ZNF329: variants seen among roughly 807,000 people sequenced by gnomAD.
ZNF329 encodes the protein zinc finger protein 329.
A neutral mutation model predicts 26.6 loss-of-function variants in ZNF329; 15 were observed. That is an observed-to-expected ratio of 0.56 (90% CI 0.38 to 0.87). The LOEUF is 0.87. Among genes scored for constraint, ZNF329 ranks in the 40% least tolerant of loss-of-function variants. The pLI is 0.00. For missense variants in ZNF329, 651 were observed against 651.9 expected (o/e 1.00, Z 0.02); for synonymous variants, 239 against 233.5 (o/e 1.02, Z -0.21).
chr19:58,150,307 A>C (rs1308704646), intron 1 of ZNF329, among the ~76,000 whole-genome samples: 1 of 152,144 alleles, frequency 6.6e-6, no homozygotes, highest in Non-Finnish European at 1.5e-5. Flanking sequence ...CACGGCCGCC[A>C]ATTCAGCCGG....
rs779461564 is a variant in ZNF329 at position 58,129,301 on chromosome 19, C to G, written c.203G>C (p.Gly68Ala). The G allele has an allele frequency of 6.2e-7, 1 of 1,614,198 alleles. No individual in the cohort carries two copies. The highest frequency in any genetic ancestry group is 8.5e-7 in the Non-Finnish European group (1 of 1,180,034). The part of the protein sequence containing the change: ...GTQEAICEYP[G>A]FGEHLIASSD... ...GCTTGCAATCAAATGCTCCCCAAAA[C>G]CAGGATATTCACAAATTGCTTCCTG... Residue 68 changes from glycine to alanine, a missense_variant, in exon 4 of 4, where the codon GGT becomes GCT. Transcript: ENST00000598312.
At position 58,126,931 on chromosome 19, in the gene ZNF329, G is replaced by A. The variant is rs1207496299; in HGVS notation, c.*947C>T. ...GCCTCCCAAAGTGCTAGGATTACAG[G>A]CGTGAGCCACCACATCTGGCCTGCT... On this transcript the variant is annotated 3_prime_UTR_variant, in exon 4 of 4. Transcript: ENST00000598312. 1 of 152,196 alleles carries A rather than the reference G, an allele frequency of 6.6e-6. No individual in the cohort carries two copies. Among genetic ancestry groups the A allele is most frequent in the African/African-American group, 2.4e-5 (1 of 41,444 alleles). 9.4% of individuals were successfully genotyped at this position (152,196 alleles called of 1,614,324 possible). A position where few individuals can be genotyped will look rare whatever the true frequency, so the allele number is the denominator to read the frequency against.
rs2075226038 is a variant in ZNF329 at position 58,143,215 on chromosome 19, A to G, written c.-207-17T>C. 1 of 149,348 alleles carries G rather than the reference A, an allele frequency of 6.7e-6. No homozygotes were observed. Among genetic ancestry groups the G allele is most frequent in the Non-Finnish European group, 1.5e-5 (1 of 67,052 alleles). 9.3% of individuals were successfully genotyped at this position (149,348 alleles called of 1,614,324 possible). The stretch of plus-strand genomic sequence containing the variant: ...AGCAAGACCCTATCTCAAAAAAAAG[A>G]AAACAAAAATTAACAAAAATTATAT... On this transcript the variant is annotated splice_polypyrimidine_tract_variant and intron_variant, in intron 1 of 3. Transcript: ENST00000598312.
chr19:58,127,682 G>T lies in ZNF329; in HGVS notation c.*196C>A. The T allele has an allele frequency of 1.9e-6, 1 of 529,660 alleles. No individual in the cohort carries two copies. Among genetic ancestry groups the T allele is most frequent in the Non-Finnish European group, 3.3e-6 (1 of 301,948 alleles). 32.8% of individuals were successfully genotyped at this position (529,660 alleles called of 1,614,324 possible). A position where few individuals can be genotyped will look rare whatever the true frequency, so the allele number is the denominator to read the frequency against. On this transcript the variant is annotated 3_prime_UTR_variant, in exon 4 of 4. Coordinates refer to ENST00000598312, the MANE Select transcript of ZNF329 (RefSeq NM_024620.4). The stretch of plus-strand genomic sequence containing the variant: ...CTGAATCATCCCCAAAGACTTTTCT[G>T]CCCTCATCCTAAGTTGTCTCTGGAG...
chr19:58,142,615 T>G lies in ZNF329; in HGVS notation c.-67A>C, dbSNP rs1220887048. 6.5e-6 allele frequency: 1 copy of G among 152,672 alleles called. No homozygotes were observed. Among genetic ancestry groups the G allele is most frequent in the African/African-American group, 2.4e-5 (1 of 41,454 alleles). The allele number at this position is 152,672 out of a possible 1,614,324, so 9.5% of individuals were successfully genotyped here. A position where few individuals can be genotyped will look rare whatever the true frequency, so the allele number is the denominator to read the frequency against. On this transcript the variant is annotated 5_prime_UTR_variant, in exon 3 of 4. Coordinates refer to ENST00000598312, the MANE Select transcript of ZNF329 (RefSeq NM_024620.4). ...TGTGTGGATACTTGACATCGATGGT[T>G]GCTGGACATTAGCCATTTATGCCCA...
chr19:58,148,647 G>A (rs116525013), intron 1 of ZNF329, among the ~76,000 whole-genome samples: 3,794 of 152,188 alleles, frequency 0.025, 160 homozygotes, highest in African/African-American at 0.086. Context: ...AAGACCAGGA[G>A]TTCAAGAACA....
rs1013312498 is a variant in ZNF329 at position 58,127,444 on chromosome 19, G to C, written c.*434C>G. The C allele has an allele frequency of 1.3e-5, 2 of 153,996 alleles. No individual in the cohort carries two copies. The highest frequency in any genetic ancestry group is 2.4e-5 in the African/African-American group (1 of 41,360). The allele number at this position is 153,996 out of a possible 1,614,324, so 9.5% of individuals were successfully genotyped here. A position where few individuals can be genotyped will look rare whatever the true frequency, so the allele number is the denominator to read the frequency against. ...TTGAACCTGGGAGGCAGAGGTTGCTGTGAGTGGAGATCATGCCACTGCACA... is the reference window on the plus strand; with the variant it reads ...TTGAACCTGGGAGGCAGAGGTTGCTCTGAGTGGAGATCATGCCACTGCACA... On this transcript the variant is annotated 3_prime_UTR_variant, in exon 4 of 4. Coordinates refer to ENST00000598312, the MANE Select transcript of ZNF329 (RefSeq NM_024620.4).
At position 58,128,567 on chromosome 19, in the gene ZNF329, T is replaced by C. The variant is rs1413617618; in HGVS notation, c.937A>G (p.Lys313Glu). Residue 313 changes from lysine to glutamate, a missense_variant, in exon 4 of 4, where the codon AAA becomes GAA. Physicochemically the swap from Lys to Glu is moderately conservative, Grantham distance 56. Transcript: ENST00000598312. ...CCACATTCGTTACATCTATATGGTT[T>C]TTCCCCTGTATGAGTTCTTTGGTGC... ...ILHQRTHTGE[K>E]PYRCNECGKP... The C allele has an allele frequency of 2.5e-6, 4 of 1,613,970 alleles. No homozygotes were observed. Among genetic ancestry groups the C allele is most frequent in the Non-Finnish European group, 3.4e-6 (4 of 1,179,976 alleles).
chr19:58,148,154 G>A (rs573902714), intron 1 of ZNF329, among the ~76,000 whole-genome samples: 7 of 151,762 alleles, frequency 4.6e-5, no homozygotes, highest in Non-Finnish European at 7.4e-5. Flanking sequence ...GATTAAGGGC[G>A]GTGCAAGATG....
At chr19:58,143,739 A>G (rs281075) in intron 1 of ZNF329, among the ~76,000 whole-genome samples, 28,103 of 152,098 alleles carry the variant, frequency 0.18, 2,794 homozygotes, top group East Asian at 0.3. Flanking sequence ...ACACAGGCTT[A>G]TAAGACCTAA....
chr19:58,132,821 CTTTTTTT>C (rs956819743), intron 3 of ZNF329: 8 of 142,186 alleles, frequency 5.6e-5, no homozygotes, highest in African/African-American at 2.0e-4. Context: ...TTTCTTTTTT[CTTTTTTT>C]TTGAGACAGA....
At chr19:58,147,654 C>A (rs2075354109) in intron 1 of ZNF329, among the ~76,000 whole-genome samples, 1 of 147,676 alleles carries the variant, frequency 6.8e-6, no homozygotes, top group African/African-American at 2.6e-5. Flanking sequence ...GGGGGGCCAG[C>A]CCCCCGCCCG....
chr19:58,137,809 CA>C (rs72295173), intron 3 of ZNF329, among the ~76,000 whole-genome samples: 16,436 of 76,264 alleles, frequency 0.22, 909 homozygotes, highest in East Asian at 0.27. Flanking sequence ...ACAAAAAATA[CA>C]AAAAAAAAAA....
At chr19:58,147,460 A>C (rs2075343936) in intron 1 of ZNF329, among the ~76,000 whole-genome samples, 1 of 143,134 alleles carries the variant, frequency 7.0e-6, no homozygotes, top group South Asian at 2.2e-4. Flanking sequence ...CCCGTCCGGG[A>C]GGTGAGGGGC....
chr19:58,147,279 C>T (rs1380380210), intron 1 of ZNF329, among the ~76,000 whole-genome samples: 10 of 150,956 alleles, frequency 6.6e-5, no homozygotes, highest in Admixed American at 3.3e-4. Context: ...GCCTGGCAAC[C>T]GCCCCGTCTG....
intron 3 of ZNF329, among the ~76,000 whole-genome samples, chr19:58,130,675 A>G (rs1188747440): frequency 7.5e-6 from 1 of 133,464 alleles, no homozygotes; most frequent in African/African-American, 3.2e-5. Flanking sequence ...CTCCGTCTCA[A>G]AAAAAAAAAA....
intron 3 of ZNF329, among the ~76,000 whole-genome samples, chr19:58,139,735 C>T (rs2075144743): frequency 6.6e-6 from 1 of 152,110 alleles, no homozygotes; most frequent in South Asian, 2.1e-4. Flanking sequence ...ATAGATATTT[C>T]CCCAAAGAAG....
At chr19:58,136,902 G>C (rs2075082096) in intron 3 of ZNF329, 1 of 185,292 alleles carries the variant, frequency 5.4e-6, no homozygotes, top group Non-Finnish European at 1.2e-5. Context: ...GGTCTTGTTG[G>C]CTTCACTGTA....
chr19:58,131,088 A>T (rs1352017693), intron 3 of ZNF329, among the ~76,000 whole-genome samples: 1 of 151,376 alleles, frequency 6.6e-6, no homozygotes, highest in South Asian at 2.1e-4. Context: ...CATTCTAGGC[A>T]ATTTAAATAT....
Sources: allele counts gnomAD v4.1 joint callset (sites outside exome capture counted in the v4.1 genomes callset), GRCh38; gene constraint gnomAD v4.1.1; transcripts MANE v1.5; gene names NCBI Gene and HGNC (gene_info 2026-07-23, HGNC 2026-07-21).